SNTG2: variants seen among roughly 807,000 people sequenced by gnomAD.
The protein encoded by SNTG2 is gamma-2-syntrophin.
Under a neutral mutation model 70.9 loss-of-function variants are expected in SNTG2, and 74 were observed. The ratio of observed to expected loss-of-function variants is 1.04; its 90% CI spans 0.86 to 1.27. The LOEUF (loss-of-function observed/expected upper bound fraction) is 1.27. Among genes scored for constraint, SNTG2 ranks in the 50% most tolerant of loss-of-function variants. The pLI is 0.00. For synonymous variants in SNTG2, 278 were observed against 273.8 expected (o/e 1.02, Z -0.15); for missense variants, 717 against 690.7 (o/e 1.04, Z -0.43).
intron 16 of SNTG2, among the ~76,000 whole-genome samples, chr2:1,331,597 G>A (rs1176456490): frequency 6.6e-6 from 1 of 152,124 alleles, no homozygotes; most frequent in Non-Finnish European, 1.5e-5. Flanking sequence ...CCACCCAATG[G>A]AATCCCAGTT....
At chr2:1,166,409 ACT>A (rs1670709219) in intron 7 of SNTG2, among the ~76,000 whole-genome samples, 2 of 151,598 alleles carry the variant, frequency 1.3e-5, no homozygotes, top group African/African-American at 2.4e-5. Context: ...CCTTCCTGTC[ACT>A]CTCTCATGGG....
chr2:1,087,119 G>A (rs1026872917), intron 2 of SNTG2, among the ~76,000 whole-genome samples: 1 of 152,132 alleles, frequency 6.6e-6, no homozygotes, highest in Non-Finnish European at 1.5e-5. Context: ...ACAAGTCTAC[G>A]TAAGTGCTGG....
At chr2:1,066,721 T>G (rs1008032076) in intron 1 of SNTG2, among the ~76,000 whole-genome samples, 2 of 152,194 alleles carry the variant, frequency 1.3e-5, no homozygotes, top group Admixed American at 6.5e-5. Flanking sequence ...ACGACGATTT[T>G]TTTTTATTTT....
At chr2:1,002,421 A>G (rs533700864) in intron 1 of SNTG2, among the ~76,000 whole-genome samples, 1 of 152,206 alleles carries the variant, frequency 6.6e-6, no homozygotes, top group Non-Finnish European at 1.5e-5. Flanking sequence ...GCAACCACTT[A>G]AAAGTAGGCA....
At chr2:1,234,539 A>G (rs1404383008) in intron 9 of SNTG2, among the ~76,000 whole-genome samples, 3 of 152,210 alleles carry the variant, frequency 2.0e-5, no homozygotes, top group Non-Finnish European at 4.4e-5. Context: ...TTTGAAGCCC[A>G]TCGTACGGAC....
At chr2:1,322,456 G>A (rs554980070) in intron 16 of SNTG2, among the ~76,000 whole-genome samples, 2 of 152,216 alleles carry the variant, frequency 1.3e-5, no homozygotes, top group African/African-American at 2.4e-5. Flanking sequence ...AGGGAATGGA[G>A]CTGGAGTTCC....
At chr2:1,099,016 A>G (rs1421545104) in intron 4 of SNTG2, among the ~76,000 whole-genome samples, 1 of 152,216 alleles carries the variant, frequency 6.6e-6, no homozygotes, top group Admixed American at 6.5e-5. Context: ...CTGGCCACAC[A>G]TTCCACTATC....
At chr2:1,275,168 C>T (rs1377672787) in intron 14 of SNTG2, among the ~76,000 whole-genome samples, 1 of 152,232 alleles carries the variant, frequency 6.6e-6, no homozygotes, top group Non-Finnish European at 1.5e-5. Context: ...CAGGGCGGAG[C>T]CATCATGACC....
At chr2:1,197,549 G>GTATGTGTATA (rs1673003737) in intron 8 of SNTG2, among the ~76,000 whole-genome samples, 1 of 138,712 alleles carries the variant, frequency 7.2e-6, no homozygotes, top group East Asian at 2.6e-4. Context: ...GTGTGTGTGT[G>GTATGTGTATA]TATATTTGAT....
chr2:1,032,539 A>C (rs1261074985), intron 1 of SNTG2, among the ~76,000 whole-genome samples: 2 of 152,226 alleles, frequency 1.3e-5, no homozygotes, highest in Admixed American at 6.5e-5. Flanking sequence ...TGATACATTT[A>C]AATTCACATA....
At chr2:1,249,537 G>A (rs1268047754) in intron 12 of SNTG2, among the ~76,000 whole-genome samples, 1 of 152,156 alleles carries the variant, frequency 6.6e-6, no homozygotes, top group Non-Finnish European at 1.5e-5. Flanking sequence ...TTCTTCCCCG[G>A]TGGGAACCAC....
At chr2:1,277,936 G>C (rs60840925) in intron 14 of SNTG2, among the ~76,000 whole-genome samples, 19,680 of 152,258 alleles carry the variant, frequency 0.13, 1,373 homozygotes, top group African/African-American at 0.19. Context: ...ATCCTCTCTG[G>C]AAAGGCGGGG....
chr2:1,280,722 T>A (rs188639927), intron 14 of SNTG2, among the ~76,000 whole-genome samples: 40 of 152,384 alleles, frequency 2.6e-4, no homozygotes, highest in African/African-American at 9.4e-4. Context: ...TTACAATAAA[T>A]TCACAAGTGA....
intron 4 of SNTG2, among the ~76,000 whole-genome samples, chr2:1,101,228 C>T (rs1208673002): frequency 6.6e-6 from 1 of 152,182 alleles, no homozygotes; most frequent in African/African-American, 2.4e-5. Flanking sequence ...CTGCCCCCTC[C>T]CCCAGCCAGC....
chr2:1,267,444 C>G lies in SNTG2; in HGVS notation c.1157C>G (p.Pro386Arg), dbSNP rs1490460867. 6.2e-7 allele frequency: 1 copy of G among 1,613,226 alleles called. No individual in the cohort carries two copies. Among genetic ancestry groups the G allele is most frequent in the South Asian group, 1.1e-5 (1 of 90,802 alleles). ...LQDFDFEDQR[P>R]YCFSIVAGHG... Reference sequence around the variant, plus strand: ...GATTTTGACTTTGAGGACCAGAGGCCCTATTGCTTCAGCATCGTGGCCGGC... The same window carrying G: ...GATTTTGACTTTGAGGACCAGAGGCGCTATTGCTTCAGCATCGTGGCCGGC... The change falls in exon 14 of 17, where the codon CCC (proline) becomes CGC (arginine). Residue 386 changes from proline to arginine, a missense_variant. Coordinates refer to ENST00000308624, the MANE Select transcript of SNTG2 (RefSeq NM_018968.4).
intron 14 of SNTG2, among the ~76,000 whole-genome samples, chr2:1,277,592 G>T (rs1679320560): frequency 6.6e-6 from 1 of 152,178 alleles, no homozygotes; most frequent in Non-Finnish European, 1.5e-5. Flanking sequence ...GCTTTATTGT[G>T]ACATTTGCTT....
At chr2:977,817 G>A (rs1016934045) in intron 1 of SNTG2, among the ~76,000 whole-genome samples, 1 of 151,906 alleles carries the variant, frequency 6.6e-6, no homozygotes, top group African/African-American at 2.4e-5. Context: ...CACAATCTCC[G>A]CTCTGTTTTC....
chr2:1,331,080 A>G (rs1270225790), intron 16 of SNTG2, among the ~76,000 whole-genome samples: 5 of 152,200 alleles, frequency 3.3e-5, no homozygotes, highest in Non-Finnish European at 5.9e-5. Flanking sequence ...CAAAAGCAAG[A>G]GTCCCTAAAA....
chr2:1,034,970 A>T (rs1306333893), intron 1 of SNTG2, among the ~76,000 whole-genome samples: 1 of 152,178 alleles, frequency 6.6e-6, no homozygotes, highest in East Asian at 1.9e-4. Flanking sequence ...AGGACATAAA[A>T]CAATCCTCAG....
Sources: gnomAD v4.1 joint callset for allele counts (sites outside exome capture counted in the v4.1 genomes callset) on GRCh38, gnomAD v4.1.1 for gene constraint, MANE v1.5 for transcripts, NCBI Gene and HGNC (gene_info 2026-07-23, HGNC 2026-07-21) for gene names.